The following IVNS1ABP variants were observed in gnomAD, a reference collection of about 807,000 sequenced individuals.
The protein encoded by IVNS1ABP is influenza virus NS1A binding protein.
Under a neutral mutation model 78.9 loss-of-function variants are expected in IVNS1ABP, and 25 were observed. The observed-to-expected ratio is 0.32, with a 90% CI of 0.23 to 0.44. The LOEUF is 0.44. IVNS1ABP is among the 20% of genes least tolerant of loss of function. The probability of loss-of-function intolerance (pLI) is 1.00; values close to 1 mark genes in which losing one functional copy is unlikely to be tolerated. For synonymous variants in IVNS1ABP, 241 were observed against 259.7 expected (o/e 0.93, Z 0.69); for missense variants, 494 against 768.9 (o/e 0.64, Z 4.23).
At chr1:185,315,500 T>A (rs1665992356) in intron 1 of IVNS1ABP, among the ~76,000 whole-genome samples, 1 of 152,220 alleles carries the variant, frequency 6.6e-6, no homozygotes, top group Non-Finnish European at 1.5e-5. Context: ...TCCAGGGCTC[T>A]CTTTGGTCAG....
Position 185,300,979 on chromosome 1 carries a change from T to G in IVNS1ABP, c.1113A>C (p.Ile371=). ...LGTAEMNGKL[I]AAGGYNREEC... is the part of the protein sequence containing the mutation. The stretch of plus-strand genomic sequence containing the variant: ...GAATGCTTCTGTTCTTACCTGCAGC[T>G]ATGAGTTTGCCATTCATCTCTGCTG... The change falls in exon 10 of 15, where the codon ATA becomes ATC. Residue 371 remains isoleucine, a synonymous_variant. Transcript: ENST00000367498. 1 of 1,612,946 alleles carries G rather than the reference T, an allele frequency of 6.2e-7. No homozygotes were observed. Among genetic ancestry groups the G allele is most frequent in the Non-Finnish European group, 8.5e-7 (1 of 1,179,196 alleles).
rs776881296 is a variant in IVNS1ABP at position 185,307,520 on chromosome 1, T to G, written c.500A>C (p.Glu167Ala). 33 of 1,613,130 alleles carry G rather than the reference T, an allele frequency of 2.0e-5. No homozygotes were observed. The highest frequency in any genetic ancestry group is 2.6e-5 in the Non-Finnish European group (31 of 1,179,594). The change falls in exon 6 of 15, where the codon GAG becomes GCG. Residue 167 changes from glutamate to alanine, a missense_variant. Transcript: ENST00000367498. ...IQEHLLQISE[E>A]EEFLKLPRLK... ...CCTTGGAAGCTTAAGAAACTCCTCCTCTTCAGAAATTTGTAACAAATGCTC... is the reference window on the plus strand; with the variant it reads ...CCTTGGAAGCTTAAGAAACTCCTCCGCTTCAGAAATTTGTAACAAATGCTC...
chr1:185,305,778 C>A lies in IVNS1ABP; in HGVS notation c.658-135G>T, dbSNP rs1665723495. ...TCTTGACATATTACTCTGGCAGGATCCGGAGGTAAAGAAAAATACATGTCA... is the reference window on the plus strand; with the variant it reads ...TCTTGACATATTACTCTGGCAGGATACGGAGGTAAAGAAAAATACATGTCA... On this transcript the variant is annotated intron_variant, in intron 7 of 14. Coordinates refer to ENST00000367498, the MANE Select transcript of IVNS1ABP (RefSeq NM_006469.5). The surrounding 1 kb of genome is among the most constrained non-coding windows in gnomAD (Gnocchi z 4.0). 1 of 924,694 alleles carries A rather than the reference C, an allele frequency of 1.1e-6. No individual in the cohort carries two copies. Among genetic ancestry groups the A allele is most frequent in the Non-Finnish European group, 1.5e-6 (1 of 668,586 alleles). 57.3% of individuals were successfully genotyped at this position (924,694 alleles called of 1,614,324 possible).
In IVNS1ABP at chr1:185,308,854, C is replaced by T; in HGVS notation, c.303G>A (p.Leu101=). The change falls in exon 5 of 15, where the codon TTG becomes TTA. Residue 101 remains leucine, a synonymous_variant. Transcript: ENST00000367498. ...YTAQLKADKE[L]VKDVYSAAKK... is the part of the protein sequence containing the mutation. The stretch of plus-strand genomic sequence containing the variant: ...TTGCTGCAGAATAAACATCTTTTAC[C>T]AATTCCTTATCTGCTTTCAACCTAT... 6.2e-7 allele frequency: 1 copy of T among 1,610,268 alleles called. No individual in the cohort carries two copies.
intron 12 of IVNS1ABP, 34 bp from the exon 13 acceptor site, chr1:185,300,164 A>C: frequency 6.2e-7 from 1 of 1,603,798 alleles, no homozygotes; most frequent in Non-Finnish European, 8.5e-7. Context: ...ACATATTGAT[A>C]ATTTAATTAT....
intron 3 of IVNS1ABP, 103 bp downstream of exon 3, chr1:185,309,280 A>G (rs7531423): frequency 2.5e-3 from 3,083 of 1,232,534 alleles, no homozygotes; most frequent in Non-Finnish European, 3.0e-3. Flanking sequence ...TCTTTTAAAA[A>G]ATCATTTCAT....
intron 14 of IVNS1ABP, 77 bp downstream of exon 14, chr1:185,299,633 T>C (rs772664074): frequency 3.6e-5 from 48 of 1,336,830 alleles, no homozygotes; most frequent in East Asian, 2.5e-4. Context: ...ACTATAGTCA[T>C]TGGCCTTTTC....
At position 185,305,672 on chromosome 1, in the gene IVNS1ABP, G is replaced by A. The variant is rs1158778041; in HGVS notation, c.658-29C>T. ...CAAAACAGCAACAGAACACCCATGT[G>A]GCTACGGTCACCATGGCTACTCCAC... On this transcript the variant is annotated intron_variant, in intron 7 of 14. Transcript: ENST00000367498. This position sits in a 1 kb window ranked among gnomAD's most constrained non-coding sequence, Gnocchi z 4.0. The A allele has an allele frequency of 5.6e-6, 9 of 1,611,594 alleles. No homozygotes were observed. The highest frequency in any genetic ancestry group is 7.6e-6 in the Non-Finnish European group (9 of 1,178,782).
At chr1:185,299,941 T>C (rs1665526259) in intron 13 of IVNS1ABP, 58 bp from the exon 14 acceptor site, 2 of 1,610,996 alleles carry the variant, frequency 1.2e-6, no homozygotes, top group East Asian at 2.2e-5. Flanking sequence ...AAGTGTATAC[T>C]ACACATACTG....
Position 185,298,255 on chromosome 1 carries a change from G to A in IVNS1ABP, c.1709C>T (p.Ser570Phe), listed in dbSNP as rs1375036367. Residue 570 changes from serine to phenylalanine, a missense_variant, in exon 15 of 15, where the codon TCT becomes TTT. Transcript: ENST00000367498. The surrounding 1 kb of genome is among the most constrained non-coding windows in gnomAD (Gnocchi z 4.1). ...CATTTCCACACAACTGATGGCATGAGAACCATCAAAGCCACCACATACAAA... is the reference window on the plus strand; with the variant it reads ...CATTTCCACACAACTGATGGCATGAAAACCATCAAAGCCACCACATACAAA... ...KLFVCGGFDG[S>F]HAISCVEMYD... The A allele has an allele frequency of 2.5e-6, 4 of 1,613,128 alleles. No individual in the cohort carries two copies. Among genetic ancestry groups the A allele is most frequent in the Non-Finnish European group, 3.4e-6 (4 of 1,179,502 alleles).
At position 185,306,838 on chromosome 1, in the gene IVNS1ABP, T is replaced by C. The variant is rs561357380; in HGVS notation, c.657+176A>G. Reference sequence around the variant, plus strand: ...AAAAAAGAAAAGCAGAAGACCAAACTGAACAGTTCATTCAGCTCACCTGGA... The same window carrying C: ...AAAAAAGAAAAGCAGAAGACCAAACCGAACAGTTCATTCAGCTCACCTGGA... On this transcript the variant is annotated intron_variant, in intron 7 of 14. Coordinates refer to ENST00000367498, the MANE Select transcript of IVNS1ABP (RefSeq NM_006469.5). The C allele has an allele frequency of 5.2e-6, 4 of 762,110 alleles. No homozygotes were observed. The South Asian group carries it at 5.8e-5, about 11-fold the overall frequency. 47.2% of individuals were successfully genotyped at this position (762,110 alleles called of 1,614,324 possible).
In IVNS1ABP at chr1:185,307,459, A is replaced by G. The variant is rs774914594; in HGVS notation, c.531+30T>C. 4 of 1,537,582 alleles carry G rather than the reference A, an allele frequency of 2.6e-6. No homozygotes were observed. In the African/African-American group the frequency reaches 5.5e-5, roughly 21 times the overall value. ...GATTCCACGCCTGGAACTAGATAGT[A>G]TATATCTGTTTATAGACTTTACTCC... On this transcript the variant is annotated intron_variant, in intron 6 of 14. Coordinates refer to ENST00000367498, the MANE Select transcript of IVNS1ABP (RefSeq NM_006469.5).
chr1:185,313,975 G>A (rs1043399895), intron 1 of IVNS1ABP, among the ~76,000 whole-genome samples: 1 of 152,136 alleles, frequency 6.6e-6, no homozygotes, highest in Non-Finnish European at 1.5e-5. Flanking sequence ...AATTCAACAG[G>A]TCTTATCAAA....
chr1:185,308,910 CCTTAAAACACA>C, intron 4 of IVNS1ABP, 35 bp from the exon 5 acceptor site: 1 of 1,578,124 alleles, frequency 6.3e-7, no homozygotes, highest in African/African-American at 1.4e-5. Context: ...GATACCAAAG[CCTTAAAACACA>C]CTTAATTTAA....
rs996995302 is a variant in IVNS1ABP, at chr1:185,297,722, C to A, written c.*313G>T. On this transcript the variant is annotated 3_prime_UTR_variant, in exon 15 of 15. Coordinates refer to ENST00000367498, the MANE Select transcript of IVNS1ABP (RefSeq NM_006469.5). ...TTTGAGGGAAGAGTCATTTAATGTG[C>A]AAATTGGCAAAACAAATGTGGAGGA... 8.5e-6 allele frequency: 3 copies of A among 354,846 alleles called. No homozygotes were observed. Among genetic ancestry groups the A allele is most frequent in the Admixed American group, 4.5e-5 (1 of 22,164 alleles). The allele number at this position is 354,846 out of a possible 1,614,324, so 22.0% of individuals were successfully genotyped here.
intron 14 of IVNS1ABP, chr1:185,299,289 C>T (rs1242915307): frequency 6.1e-6 from 1 of 164,448 alleles, no homozygotes; most frequent in African/African-American, 2.4e-5. Context: ...ACTTTGGAAA[C>T]TTGTTAAAAT....
intron 7 of IVNS1ABP, chr1:185,306,802 G>A (rs1665750482): frequency 2.9e-6 from 2 of 691,042 alleles, no homozygotes; most frequent in Non-Finnish European, 4.4e-6. Flanking sequence ...CACATAATAA[G>A]CAAAGAAATA....
At chr1:185,304,903 G>A (rs1665696492) in intron 8 of IVNS1ABP, among the ~76,000 whole-genome samples, 1 of 152,082 alleles carries the variant, frequency 6.6e-6, no homozygotes, top group Non-Finnish European at 1.5e-5. Context: ...TCTAGTAATT[G>A]TTGATAATGT....
intron 1 of IVNS1ABP, 24 bp downstream of exon 1, chr1:185,316,929 G>T (rs2102827706): frequency 2.5e-6 from 1 of 398,346 alleles, no homozygotes; most frequent in Non-Finnish European, 4.4e-6. Flanking sequence ...CTCATCTGTC[G>T]TTCGTAGAAC....
Sources: allele counts gnomAD v4.1 joint callset (sites outside exome capture counted in the v4.1 genomes callset), GRCh38; gene constraint gnomAD v4.1.1; non-coding constraint Gnocchi (gnomAD v3.1); transcripts MANE v1.5; gene names NCBI Gene and HGNC (gene_info 2026-07-23, HGNC 2026-07-21).